Variants in NRAP observed in about 807,000 individuals in gnomAD.
NRAP encodes nebulin-related-anchoring protein.
Under a neutral mutation model 225.9 loss-of-function variants are expected in NRAP, and 189 were observed. The ratio of observed to expected loss-of-function variants is 0.84; its 90% CI spans 0.74 to 0.94. The LOEUF (loss-of-function observed/expected upper bound fraction) is 0.94. Ranked by LOEUF, NRAP falls within the 40% of genes least tolerant of loss-of-function variation. NRAP has a pLI of 0.00. For synonymous variants in NRAP, 769 were observed against 790.7 expected (o/e 0.97, Z 0.46); for missense variants, 2,176 against 2,168.7 (o/e 1.00, Z -0.07).
At chr10:113,623,748 C>A (rs906750471) in intron 22 of NRAP, 112 bp from the exon 23 acceptor site, 3 of 693,036 alleles carry the variant, frequency 4.3e-6, no homozygotes, top group Non-Finnish European at 7.6e-6. Context: ...CTGATTATTA[C>A]GTCCTTCTCT....
Position 113,624,714 on chromosome 10 carries a change from T to C in NRAP, c.2349+112A>G, listed in dbSNP as rs544958703. 4 of 742,648 alleles carry C rather than the reference T, an allele frequency of 5.4e-6. No homozygotes were observed. The South Asian group carries it at 6.6e-5, about 12-fold the overall frequency. 46.0% of individuals were successfully genotyped at this position (742,648 alleles called of 1,614,324 possible). A position where few individuals can be genotyped will look rare whatever the true frequency, so the allele number is the denominator to read the frequency against. Reference sequence around the variant, plus strand: ...GAGCTGTTTTTACAACAACCAGATGTATGTAACCTCAGTTGATACAGACAC... The same window carrying C: ...GAGCTGTTTTTACAACAACCAGATGCATGTAACCTCAGTTGATACAGACAC... On this transcript the variant is annotated intron_variant, in intron 22 of 41. Transcript: ENST00000359988.
chr10:113,590,632 G>T lies in NRAP; in HGVS notation c.4902C>A (p.Asp1634Glu), dbSNP rs758616130. 6.2e-7 allele frequency: 1 copy of T among 1,613,948 alleles called. No homozygotes were observed. The highest frequency in any genetic ancestry group is 8.5e-7 in the Non-Finnish European group (1 of 1,179,980). The change falls in exon 40 of 42, where the codon GAC (aspartate) becomes GAA (glutamate). Residue 1634 changes from aspartate (D) to glutamate (E), a missense_variant. By Grantham distance (45) the Asp-to-Glu change is conservative. Coordinates refer to ENST00000359988, the MANE Select transcript of NRAP (RefSeq NM_198060.4). ...CATGCCTGAGGCCCAGCTGCTCCGGGTCGCAGGTGGGCTGGGGCAGGGGCT... is the reference window on the plus strand; with the variant it reads ...CATGCCTGAGGCCCAGCTGCTCCGGTTCGCAGGTGGGCTGGGGCAGGGGCT... ...YRQPLPQPTC[D>E]PEQLGLRHAQ...
chr10:113,612,295 G>A lies in NRAP; in HGVS notation c.3437C>T (p.Thr1146Ile), dbSNP rs1339111693. The A allele has an allele frequency of 6.2e-7, 1 of 1,614,214 alleles. No individual in the cohort carries two copies. The highest frequency in any genetic ancestry group is 1.7e-5 in the Admixed American group (1 of 60,028). Reference protein sequence around the residue: ...QDYKHPLPQYTSLAEDLRLSC... With the variant: ...QDYKHPLPQYISLAEDLRLSC... Reference sequence around the variant, plus strand: ...CAGCCTCAGGTCTTCTGCCAAGGAAGTGTACTGGGGCAGTGGATGTTTGTA... The same window carrying A: ...CAGCCTCAGGTCTTCTGCCAAGGAAATGTACTGGGGCAGTGGATGTTTGTA... Residue 1146 changes from threonine to isoleucine, a missense_variant, in exon 30 of 42, where the codon ACT becomes ATT. Around this residue, in one of 3 missense-constraint regions of NRAP, gnomAD observed 1,708 missense variants for 1,695.5 expected, o/e 1.01. Transcript: ENST00000359988.
intron 24 of NRAP, 53 bp from the exon 25 acceptor site, chr10:113,620,761 C>T (rs955223972): frequency 1.5e-4 from 192 of 1,278,000 alleles, no homozygotes; most frequent in Non-Finnish European, 1.6e-4. Context: ...GGTGCACAGA[C>T]ATTTAAAGGG....
Position 113,640,210 on chromosome 10 carries a change from G to A in NRAP, c.1428+17C>T. On this transcript the variant is annotated intron_variant, in intron 14 of 41. Coordinates refer to ENST00000359988, the MANE Select transcript of NRAP (RefSeq NM_198060.4). ...GACAAGTGACAAAGCAGAAAGAGCT[G>A]TTGGAAAAGAACTTACATCTTTCAA... is the stretch of plus-strand genomic sequence containing the variant. 6.9e-7 allele frequency: 1 copy of A among 1,455,638 alleles called. No individual in the cohort carries two copies. 90.2% of individuals were successfully genotyped at this position (1,455,638 alleles called of 1,614,324 possible).
chr10:113,643,096 A>C, intron 11 of NRAP, 58 bp from the exon 12 acceptor site: 2 of 856,058 alleles, frequency 2.3e-6, no homozygotes, highest in Non-Finnish European at 2.0e-6. Context: ...ACTCTTGAAA[A>C]TGTCCCAGGA....
At chr10:113,647,409 G>T (rs564844292) in intron 9 of NRAP, among the ~76,000 whole-genome samples, 11 of 151,324 alleles carry the variant, frequency 7.3e-5, no homozygotes, top group Admixed American at 6.6e-4. Flanking sequence ...ACACCCAGTG[G>T]CAGATCTATG....
At chr10:113,629,369 C>T (rs1421536791) in intron 19 of NRAP, among the ~76,000 whole-genome samples, 5 of 152,190 alleles carry the variant, frequency 3.3e-5, no homozygotes, top group Non-Finnish European at 7.3e-5. Flanking sequence ...ATCACCAACA[C>T]ATCTTGACTT....
At chr10:113,654,232 G>A (rs1321768647) in intron 4 of NRAP, 107 bp from the exon 5 acceptor site, 4 of 670,854 alleles carry the variant, frequency 6.0e-6, no homozygotes, top group Non-Finnish European at 8.1e-6. Flanking sequence ...AACTCCTATT[G>A]GTAAATCCTG....
At chr10:113,659,404 C>T (rs1184379618) in intron 3 of NRAP, among the ~76,000 whole-genome samples, 4 of 152,180 alleles carry the variant, frequency 2.6e-5, no homozygotes, top group Admixed American at 1.3e-4. Context: ...GAACTGCCCT[C>T]CTTGAGAACA....
chr10:113,631,080 T>C lies in NRAP; in HGVS notation c.1842+429A>G, dbSNP rs1248064010. 3.9e-5 allele frequency among the ~76,000 whole-genome samples: 6 copies of C among 152,246 alleles called. No individual in the cohort carries two copies. In the South Asian group the frequency reaches 1.2e-3, roughly 32 times the overall value. On this transcript the variant is annotated intron_variant, in intron 18 of 41. Coordinates refer to ENST00000359988, the MANE Select transcript of NRAP (RefSeq NM_198060.4). ...CTGGGAGGCCCCAGCTTGCTAAATA[T>C]TTGAATACCATAAGTGTTGTAACCA... is the stretch of plus-strand genomic sequence containing the variant.
chr10:113,626,307 T>C (rs1422038195), intron 20 of NRAP, among the ~76,000 whole-genome samples, 162 bp from the exon 21 acceptor site: 1 of 152,192 alleles, frequency 6.6e-6, no homozygotes, highest in Non-Finnish European at 1.5e-5. Flanking sequence ...CACACAGCCC[T>C]GAGACAGCCT....
chr10:113,633,061 G>T, intron 16 of NRAP, 23 bp downstream of exon 16: 2 of 1,203,952 alleles, frequency 1.7e-6, no homozygotes, highest in Non-Finnish European at 2.5e-6. Context: ...CCCCTCCACC[G>T]TCTCCCCACA....
At chr10:113,619,602 C>G (rs1314297265) in intron 25 of NRAP, among the ~76,000 whole-genome samples, 2 of 123,972 alleles carry the variant, frequency 1.6e-5, no homozygotes, top group African/African-American at 6.2e-5. Context: ...ACTATAGGTT[C>G]AGAAAGAAAG....
At chr10:113,606,108 G>T (rs1846946813) in intron 33 of NRAP, 70 bp downstream of exon 33, 10 of 1,144,604 alleles carry the variant, frequency 8.7e-6, no homozygotes, top group Non-Finnish European at 9.3e-6. Context: ...GGTCAGTGTT[G>T]GGTTACTTCA....
chr10:113,604,913 T>C lies in NRAP; in HGVS notation c.3923A>G (p.Tyr1308Cys). 1 of 1,609,818 alleles carries C rather than the reference T, an allele frequency of 6.2e-7. No individual in the cohort carries two copies. The part of the protein sequence containing the change: ...ASGDIASDFL[Y>C]RHDFVKERGK... ...TCGCTCCTTCACAAAGTCATGTCTG[T>C]AGAGAAACTGCAAGAAAGGGCTGGC... The change falls in exon 35 of 42, where the codon TAC (tyrosine) becomes TGC (cysteine). Residue 1308 changes from tyrosine (Y) to cysteine (C), a missense_variant. Coordinates refer to ENST00000359988, the MANE Select transcript of NRAP (RefSeq NM_198060.4).
chr10:113,651,993 C>T, intron 6 of NRAP, 86 bp from the exon 7 acceptor site: 1 of 815,888 alleles, frequency 1.2e-6, no homozygotes, highest in South Asian at 1.4e-5. Flanking sequence ...AAAGCTGCAC[C>T]ATCAGGCTAC....
chr10:113,592,844 G>A (rs1028146222), intron 38 of NRAP, among the ~76,000 whole-genome samples: 1 of 152,204 alleles, frequency 6.6e-6, no homozygotes, highest in African/African-American at 2.4e-5. Flanking sequence ...TGCACGAAGG[G>A]AAGAGCCTTC....
intron 14 of NRAP, 63 bp downstream of exon 14, chr10:113,640,164 A>G (rs1322056836): frequency 3.3e-6 from 3 of 898,562 alleles, no homozygotes; most frequent in Non-Finnish European, 5.4e-6. Context: ...CTACCTACAA[A>G]TCACTCCTCA....
Sources: gnomAD v4.1 joint callset for allele counts (sites outside exome capture counted in the v4.1 genomes callset) on GRCh38, gnomAD v4.1.1 for gene constraint, gnomAD v4.1.1 regional missense constraint, MANE v1.5 for transcripts, NCBI Gene and HGNC (gene_info 2026-07-23, HGNC 2026-07-21) for gene names.